SEZ6L: variants seen among roughly 807,000 people sequenced by gnomAD.
SEZ6L encodes the protein seizure 6-like protein.
SEZ6L carries 37 observed loss-of-function variants against 106.2 expected under a neutral mutation model. The ratio of observed to expected loss-of-function variants is 0.35; its 90% CI spans 0.27 to 0.46. The LOEUF (loss-of-function observed/expected upper bound fraction) is 0.46, where lower values mean the gene tolerates loss of function less well. Among genes scored for constraint, SEZ6L ranks in the 20% least tolerant of loss-of-function variants. SEZ6L has a pLI of 1.00. For missense variants in SEZ6L, 1,172 were observed against 1,332.8 expected (o/e 0.88, Z 1.88); for synonymous variants, 541 against 570.4 (o/e 0.95, Z 0.73).
chr22:26,304,157 G>A (rs1205256995), intron 5 of SEZ6L, among the ~76,000 whole-genome samples: 1 of 151,952 alleles, frequency 6.6e-6, no homozygotes, highest in African/African-American at 2.4e-5. Flanking sequence ...TTCGAGACCA[G>A]CCTGGCCAAG....
rs114438082 is a variant in SEZ6L, at chr22:26,248,304, A to T, written c.95-44102A>T. On this transcript the variant is annotated intron_variant, in intron 1 of 16. Transcript: ENST00000248933. ...TCATAGCATTGGAATGAGATTAAGG[A>T]TACATAATGACTTGTACATAAGTGT... Among the ~76,000 whole-genome samples the T allele has an allele frequency of 3.1e-3, 470 of 152,348 alleles. 3 individuals are homozygous for T. Among genetic ancestry groups the T allele is most frequent in the African/African-American group, 0.01 (436 of 41,580 alleles).
chr22:26,303,069 C>T (rs1212463967), intron 5 of SEZ6L, among the ~76,000 whole-genome samples: 1 of 152,232 alleles, frequency 6.6e-6, no homozygotes, highest in Non-Finnish European at 1.5e-5. Context: ...CACCATTTTA[C>T]AGTGGGTAAA....
intron 1 of SEZ6L, among the ~76,000 whole-genome samples, chr22:26,234,342 G>C (rs1433397028): frequency 1.3e-5 from 2 of 152,194 alleles, no homozygotes; most frequent in African/African-American, 4.8e-5. Flanking sequence ...AAATAATGGG[G>C]CCAGCAGAGA....
At chr22:26,195,792 T>C (rs898499490) in intron 1 of SEZ6L, among the ~76,000 whole-genome samples, 2 of 146,174 alleles carry the variant, frequency 1.4e-5, no homozygotes, top group African/African-American at 5.4e-5. Flanking sequence ...AGTGTGTGTA[T>C]ATATATATAT....
intron 1 of SEZ6L, among the ~76,000 whole-genome samples, chr22:26,242,126 TG>T (rs1440525842): frequency 2.6e-5 from 4 of 152,384 alleles, no homozygotes; most frequent in African/African-American, 9.6e-5. Flanking sequence ...TCAGACTTGC[TG>T]CCCAGGCAGG....
Position 26,365,441 on chromosome 22 carries a change from T to G in SEZ6L, c.2669T>G (p.Leu890Arg). ...GGATACCAAATCCTGTACAAGCGAC[T>G]CTACCTGCCAGGAGAGTCCCTCACC... ...ENGYQILYKRLYLPGESLTFM... is the reference protein window; with the variant it reads ...ENGYQILYKRRYLPGESLTFM... Residue 890 changes from leucine to arginine, a missense_variant, in exon 13 of 17, where the codon CTC becomes CGC. Leu to Arg is a moderately radical substitution (Grantham distance 102). This residue lies in a region of SEZ6L where 141 missense variants were observed against 176.0 expected (regional missense o/e 0.80). Transcript: ENST00000248933. 1 of 1,614,132 alleles carries G rather than the reference T, an allele frequency of 6.2e-7. No individual in the cohort carries two copies. The highest frequency in any genetic ancestry group is 8.5e-7 in the Non-Finnish European group (1 of 1,179,972).
intron 1 of SEZ6L, among the ~76,000 whole-genome samples, chr22:26,233,373 G>T (rs1000114215): frequency 6.6e-6 from 1 of 152,158 alleles, no homozygotes; most frequent in Admixed American, 6.5e-5. Flanking sequence ...AGGATTGCGG[G>T]CTGAGGACCC....
chr22:26,195,464 A>G (rs1602000156), intron 1 of SEZ6L, among the ~76,000 whole-genome samples: 2 of 152,330 alleles, frequency 1.3e-5, no homozygotes, highest in South Asian at 4.1e-4. Context: ...TCATTAGGTT[A>G]TCATGAAGAT....
intron 1 of SEZ6L, among the ~76,000 whole-genome samples, chr22:26,283,875 G>A (rs6004987): frequency 0.13 from 19,679 of 152,214 alleles, 1,374 homozygotes; most frequent in Middle Eastern, 0.2. Flanking sequence ...TAAGATGAAG[G>A]TGCACATATG....
chr22:26,209,979 A>AGGAAGGAAGGG, intron 1 of SEZ6L, among the ~76,000 whole-genome samples: 2 of 139,094 alleles, frequency 1.4e-5, no homozygotes, highest in East Asian at 2.6e-4. Flanking sequence ...GGGAGGGAGG[A>AGGAAGGAAGGG]AGGAAGGAAG....
chr22:26,343,730 G>A (rs1160875375), intron 10 of SEZ6L, among the ~76,000 whole-genome samples: 1 of 152,196 alleles, frequency 6.6e-6, no homozygotes, highest in East Asian at 1.9e-4. Flanking sequence ...AAGGATTGCA[G>A]AGAATGTTTT....
intron 1 of SEZ6L, among the ~76,000 whole-genome samples, chr22:26,184,204 C>G (rs1939611045): frequency 2.0e-5 from 3 of 152,158 alleles, no homozygotes; most frequent in Admixed American, 2.0e-4. Context: ...TTGCCTTTCT[C>G]CTTTTTGGGT....
intron 2 of SEZ6L, 94 bp from the exon 3 acceptor site, chr22:26,294,198 A>G (rs1024248564): frequency 2.6e-5 from 31 of 1,205,062 alleles, no homozygotes; most frequent in Non-Finnish European, 3.6e-5. Flanking sequence ...AGCAAAATGC[A>G]GGTTCCCCTA....
At position 26,292,633 on chromosome 22, in the gene SEZ6L, C is replaced by A. The variant is rs775649548; in HGVS notation, c.322C>A (p.Arg108Ser). The change falls in exon 2 of 17, where the codon CGC becomes AGC. Residue 108 changes from arginine (R) to serine (S), a missense_variant. Coordinates refer to ENST00000248933, the MANE Select transcript of SEZ6L (RefSeq NM_021115.5). The part of the protein sequence containing the change: ...ALSPLLPEEA[R>S]PKHALPPKKK... ...GTCACCGCTGCTTCCAGAGGAGGCC[C>A]GCCCCAAGCACGCCTTGCCCCCCAA... 9.9e-6 allele frequency: 16 copies of A among 1,612,956 alleles called. No homozygotes were observed. The African/African-American group carries it at 2.0e-4, about 20-fold the overall frequency.
At chr22:26,266,971 A>G (rs2080212222) in intron 1 of SEZ6L, among the ~76,000 whole-genome samples, 1 of 152,220 alleles carries the variant, frequency 6.6e-6, no homozygotes, top group Non-Finnish European at 1.5e-5. Flanking sequence ...ATGATGTTAG[A>G]GCTGAGATGA....
At chr22:26,306,179 C>G in intron 6 of SEZ6L, 35 bp downstream of exon 6, 1 of 1,603,940 alleles carries the variant, frequency 6.2e-7, no homozygotes, top group South Asian at 1.1e-5. Context: ...AACCCCGTTT[C>G]TTCCCAGAAT....
At position 26,292,971 on chromosome 22, in the gene SEZ6L, A is replaced by G; in HGVS notation, c.660A>G (p.Glu220=). The G allele has an allele frequency of 6.2e-7, 1 of 1,613,544 alleles. No homozygotes were observed. The highest frequency in any genetic ancestry group is 8.5e-7 in the Non-Finnish European group (1 of 1,179,824). ...CCCACACACTCCCCCAGAGGCCAGA[A>G]CCCGGGGAGCCTGGGCCTGACATGG... The part of the protein sequence containing the change: ...YVAHTLPQRP[E]PGEPGPDMAQ... Residue 220 remains glutamate (E), a synonymous_variant, in exon 2 of 17, where the codon GAA becomes GAG. Coordinates refer to ENST00000248933, the MANE Select transcript of SEZ6L (RefSeq NM_021115.5).
intron 12 of SEZ6L, among the ~76,000 whole-genome samples, chr22:26,364,425 TAAAAA>T (rs10577471): frequency 5.7e-4 from 75 of 131,230 alleles, no homozygotes; most frequent in African/African-American, 1.3e-3. Context: ...GTCTCTACTT[TAAAAA>T]AAAAAAAAAA....
chr22:26,276,770 G>A lies in SEZ6L; in HGVS notation c.95-15636G>A, dbSNP rs1409807208. 2.6e-5 allele frequency among the ~76,000 whole-genome samples: 4 copies of A among 152,194 alleles called. No individual in the cohort carries two copies. The East Asian group carries it at 7.7e-4, about 29-fold the overall frequency. ...TACCATGAGATGCGAAAGCAGTGGGGGTTCATGGGGTGTGAGGGGAGGTGG... is the reference window on the plus strand; with the variant it reads ...TACCATGAGATGCGAAAGCAGTGGGAGTTCATGGGGTGTGAGGGGAGGTGG... On this transcript the variant is annotated intron_variant, in intron 1 of 16. Transcript: ENST00000248933.
Sources: allele counts gnomAD v4.1 joint callset (sites outside exome capture counted in the v4.1 genomes callset), GRCh38; gene constraint gnomAD v4.1.1; regional missense constraint gnomAD v4.1.1; transcripts MANE v1.5; gene names NCBI Gene and HGNC (gene_info 2026-07-23, HGNC 2026-07-21).